The following SKI variants were observed in gnomAD, a reference collection of about 807,000 sequenced individuals.
SKI encodes the protein ski oncogene.
Under a neutral mutation model 59.3 loss-of-function variants are expected in SKI, and 23 were observed. That is an observed-to-expected ratio of 0.39 (90% CI 0.28 to 0.55). The LOEUF is 0.55. Among genes scored for constraint, SKI ranks in the 20% least tolerant of loss-of-function variants. SKI has a pLI of 0.67. For synonymous variants in SKI, 673 were observed against 488.6 expected, an observed-to-expected ratio of 1.38 and a Z score of -4.98; for missense variants, 1,017 against 1,038.9, an observed-to-expected ratio of 0.98 and a Z score of 0.29.
rs1457177982 is a variant in SKI, at chr1:2,267,475, C to T, written c.970-35503C>T. Among the ~76,000 whole-genome samples, 1 of 152,216 alleles carries T rather than the reference C, an allele frequency of 6.6e-6. No individual in the cohort carries two copies. Among genetic ancestry groups the T allele is most frequent in the East Asian group, 1.9e-4 (1 of 5,196 alleles). On this transcript the variant is annotated intron_variant, in intron 1 of 6. Transcript: ENST00000378536. The surrounding 1 kb of genome is among the most constrained non-coding windows in gnomAD (Gnocchi z 4.1). ...TGTGCTGTCGGGAGACAAACCTCTT[C>T]CTGCTTCAATATCCCATTCGTTCCA... is the stretch of plus-strand genomic sequence containing the variant.
intron 1 of SKI, among the ~76,000 whole-genome samples, chr1:2,292,361 C>T (rs1640179442): frequency 6.6e-6 from 1 of 152,158 alleles, no homozygotes; most frequent in South Asian, 2.1e-4. Flanking sequence ...GGTAGGGTGA[C>T]CGCAGTGGGC....
intron 1 of SKI, among the ~76,000 whole-genome samples, 183 bp from the exon 2 acceptor site, chr1:2,302,795 G>GTA (rs1313696397): frequency 6.6e-6 from 1 of 152,194 alleles, no homozygotes; most frequent in Non-Finnish European, 1.5e-5. Context: ...GTGGCCTAAG[G>GTA]GCCTTTATGC....
chr1:2,288,581 G>A (rs985140233), intron 1 of SKI, among the ~76,000 whole-genome samples: 8 of 152,226 alleles, frequency 5.3e-5, no homozygotes, highest in East Asian at 1.9e-4. Context: ...GTTTGCATGC[G>A]CGTGAGACCC....
chr1:2,238,993 C>T (rs1638808769), intron 1 of SKI, among the ~76,000 whole-genome samples: 1 of 152,078 alleles, frequency 6.6e-6, no homozygotes, highest in Non-Finnish European at 1.5e-5. Context: ...TGGTCCCTGG[C>T]CACCTGCCTG....
At position 2,229,875 on chromosome 1, in the gene SKI, G is replaced by T; in HGVS notation, c.969+140G>T. ...TCTCCAGTCTTCGCTTTGTTTTAGGGAAATTCAGAGTGTTCCGACTGGCAG... is the reference window on the plus strand; with the variant it reads ...TCTCCAGTCTTCGCTTTGTTTTAGGTAAATTCAGAGTGTTCCGACTGGCAG... On this transcript the variant is annotated intron_variant, in intron 1 of 6. Transcript: ENST00000378536. The surrounding 1 kb of genome is among the most constrained non-coding windows in gnomAD (Gnocchi z 6.3). The T allele has an allele frequency of 6.9e-7, 1 of 1,452,522 alleles. No homozygotes were observed. Among genetic ancestry groups the T allele is most frequent in the Non-Finnish European group, 9.3e-7 (1 of 1,079,198 alleles). 90.0% of individuals were successfully genotyped at this position (1,452,522 alleles called of 1,614,324 possible). A position where few individuals can be genotyped will look rare whatever the true frequency, so the allele number is the denominator to read the frequency against.
At position 2,271,576 on chromosome 1, in the gene SKI, G is replaced by T. The variant is rs372695750; in HGVS notation, c.970-31402G>T. Among the ~76,000 whole-genome samples, 46 of 152,112 alleles carry T rather than the reference G, an allele frequency of 3.0e-4. No homozygotes were observed. In the South Asian group the frequency reaches 9.3e-3, roughly 31 times the overall value. On this transcript the variant is annotated intron_variant, in intron 1 of 6. Coordinates refer to ENST00000378536, the MANE Select transcript of SKI (RefSeq NM_003036.4). ...CTTTGTGTTGGCTGCCCTGCCCCGGGCTGACCCCAGACGCTCGCCTTTTGT... is the reference window on the plus strand; with the variant it reads ...CTTTGTGTTGGCTGCCCTGCCCCGGTCTGACCCCAGACGCTCGCCTTTTGT...
intron 1 of SKI, among the ~76,000 whole-genome samples, chr1:2,264,438 T>A (rs1639456074): frequency 6.6e-6 from 1 of 151,780 alleles, no homozygotes; most frequent in Non-Finnish European, 1.5e-5. Context: ...CTGGCTAATT[T>A]TTTGTATTTT....
At position 2,304,034 on chromosome 1, in the gene SKI, C is replaced by A; in HGVS notation, c.1406C>A (p.Ala469Glu). The stretch of plus-strand genomic sequence containing the variant: ...ACCCCAGGAGCCCCAGAGACGCTGG[C>A]GCCCGTGGCTGCCCCAGAGGAGGAC... Reference protein sequence around the residue: ...VDTPGAPETLAPVAAPEEDKD... With the variant: ...VDTPGAPETLEPVAAPEEDKD... The change falls in exon 4 of 7, where the codon GCG (alanine) becomes GAG (glutamate). Residue 469 changes from alanine to glutamate, a missense_variant. Ala to Glu is a moderately radical substitution (Grantham distance 107). Transcript: ENST00000378536. 2 of 1,612,370 alleles carry A rather than the reference C, an allele frequency of 1.2e-6. No homozygotes were observed. The highest frequency in any genetic ancestry group is 1.7e-4 in the Middle Eastern group (1 of 6,052).
chr1:2,278,845 T>C (rs1044962048), intron 1 of SKI, among the ~76,000 whole-genome samples: 6 of 152,182 alleles, frequency 3.9e-5, no homozygotes, highest in African/African-American at 1.4e-4. Context: ...AGCACTGCCC[T>C]GTGAGCCAGG....
Position 2,303,583 on chromosome 1 carries a change from G to C in SKI, c.1211+183G>C. The C allele has an allele frequency of 1.5e-6, 1 of 686,062 alleles. No individual in the cohort carries two copies. The highest frequency in any genetic ancestry group is 2.5e-6 in the Non-Finnish European group (1 of 407,768). The allele number at this position is 686,062 out of a possible 1,614,324, so 42.5% of individuals were successfully genotyped here. On this transcript the variant is annotated intron_variant, in intron 3 of 6. Coordinates refer to ENST00000378536, the MANE Select transcript of SKI (RefSeq NM_003036.4). The surrounding 1 kb of genome is among the most constrained non-coding windows in gnomAD (Gnocchi z 5.6). ...AGAGCACACCTAGAGCGTTCCCTGTGTTCTGGGTGGAGTCGTGGGTGGAGC... is the reference window on the plus strand; with the variant it reads ...AGAGCACACCTAGAGCGTTCCCTGTCTTCTGGGTGGAGTCGTGGGTGGAGC...
At chr1:2,290,451 G>T (rs971196096) in intron 1 of SKI, among the ~76,000 whole-genome samples, 6 of 152,218 alleles carry the variant, frequency 3.9e-5, no homozygotes, top group African/African-American at 1.4e-4. Context: ...GGTGCTGCAC[G>T]TGTTTCTGGG....
rs144140007 is a variant in SKI, at chr1:2,250,066, C to T, written c.969+20331C>T. The stretch of plus-strand genomic sequence containing the variant: ...ATTACAGGCGCCCGCCCACCACGCC[C>T]GGCTAATATTTGTATTTTTAGTAGA... On this transcript the variant is annotated intron_variant, in intron 1 of 6. Coordinates refer to ENST00000378536, the MANE Select transcript of SKI (RefSeq NM_003036.4). 2.1e-3 allele frequency among the ~76,000 whole-genome samples: 326 copies of T among 152,164 alleles called. 8 individuals carry two copies. The East Asian group carries it at 0.052, about 24-fold the overall frequency.
At chr1:2,304,958 C>T (rs949926367) in intron 5 of SKI, among the ~76,000 whole-genome samples, 1 of 152,248 alleles carries the variant, frequency 6.6e-6, no homozygotes, top group Non-Finnish European at 1.5e-5. Flanking sequence ...GGAGCAGCTG[C>T]ATGGAGACAG....
chr1:2,238,381 G>A (rs925356362), intron 1 of SKI, among the ~76,000 whole-genome samples: 1 of 152,066 alleles, frequency 6.6e-6, no homozygotes, highest in African/African-American at 2.4e-5. Context: ...TGGAAGGTCG[G>A]CGGCCCTGCG....
At chr1:2,304,253 C>T (rs1285105214) in intron 4 of SKI, 40 bp from the exon 5 acceptor site, 4 of 1,551,872 alleles carry the variant, frequency 2.6e-6, no homozygotes, top group Admixed American at 2.0e-5. Context: ...AGCTGCCGGG[C>T]ACTTCCATGA....
chr1:2,275,575 G>A (rs1019427516), intron 1 of SKI, among the ~76,000 whole-genome samples: 4 of 152,048 alleles, frequency 2.6e-5, no homozygotes, highest in Non-Finnish European at 4.4e-5. Flanking sequence ...GTGCAGTGGC[G>A]CGATCTCGGC....
At chr1:2,247,733 G>A (rs1043591309) in intron 1 of SKI, among the ~76,000 whole-genome samples, 7 of 152,236 alleles carry the variant, frequency 4.6e-5, no homozygotes, top group African/African-American at 1.7e-4. Flanking sequence ...CCTGCTCCTG[G>A]CATCAGGACT....
intron 1 of SKI, among the ~76,000 whole-genome samples, chr1:2,253,708 T>C (rs1639215025): frequency 6.6e-6 from 1 of 152,218 alleles, no homozygotes; most frequent in Admixed American, 6.5e-5. Flanking sequence ...GAGCTGGTGC[T>C]GCTGCCCACA....
intron 1 of SKI, among the ~76,000 whole-genome samples, chr1:2,251,422 C>T (rs1045221540): frequency 6.6e-6 from 1 of 152,200 alleles, no homozygotes; most frequent in Middle Eastern, 3.2e-3. Flanking sequence ...GCTCCCTCCC[C>T]CTGCCCCAGC....
Sources: gnomAD v4.1 joint callset for allele counts (sites outside exome capture counted in the v4.1 genomes callset) on GRCh38, gnomAD v4.1.1 for gene constraint, Gnocchi (gnomAD v3.1) non-coding constraint, MANE v1.5 for transcripts, NCBI Gene and HGNC (gene_info 2026-07-23, HGNC 2026-07-21) for gene names.